The following UBE2E2 variants were observed in gnomAD, a reference collection of about 807,000 sequenced individuals.
The protein encoded by UBE2E2 is ubiquitin-conjugating enzyme E2 E2.
Under a neutral mutation model 24.7 loss-of-function variants are expected in UBE2E2, and 6 were observed. The ratio of observed to expected loss-of-function variants is 0.24; its 90% CI spans 0.13 to 0.48. The LOEUF (loss-of-function observed/expected upper bound fraction) is 0.48. Among genes scored for constraint, UBE2E2 ranks in the 20% least tolerant of loss-of-function variants. The probability of loss-of-function intolerance (pLI) is 0.99; values close to 1 mark genes in which losing one functional copy is unlikely to be tolerated. For missense variants in UBE2E2, 169 were observed against 245.0 expected (o/e 0.69, Z 2.07); for synonymous variants, 104 against 83.6 (o/e 1.24, Z -1.33).
intron 3 of UBE2E2, among the ~76,000 whole-genome samples, chr3:23,256,294 A>G (rs1697719152): frequency 1.3e-5 from 2 of 152,200 alleles, no homozygotes; most frequent in African/African-American, 2.4e-5. Flanking sequence ...TAAAATGATG[A>G]TTGTTTATTT....
At chr3:23,352,449 G>T (rs551912115) in intron 3 of UBE2E2, among the ~76,000 whole-genome samples, 2 of 152,124 alleles carry the variant, frequency 1.3e-5, no homozygotes, top group Non-Finnish European at 2.9e-5. Context: ...CCAGGAGCTG[G>T]TTTTTTGAAA....
chr3:23,499,169 A>G (rs184519388), intron 3 of UBE2E2, among the ~76,000 whole-genome samples: 3 of 152,332 alleles, frequency 2.0e-5, no homozygotes, highest in East Asian at 3.9e-4. Context: ...CAGATGGGAT[A>G]TGATATTTGA....
rs1457272118 is a variant in UBE2E2, at chr3:23,589,205, C to T, written c.509-529C>T. On this transcript the variant is annotated intron_variant, in intron 5 of 5. Coordinates refer to ENST00000396703, the MANE Select transcript of UBE2E2 (RefSeq NM_152653.4). The surrounding 1 kb of genome is among the most constrained non-coding windows in gnomAD (Gnocchi z 4.1). ...CTGAGGCAGGAGGATAACTTGAGCCCAGGAGTTTGAGACTATCCTGGACAA... is the reference window on the plus strand; with the variant it reads ...CTGAGGCAGGAGGATAACTTGAGCCTAGGAGTTTGAGACTATCCTGGACAA... Among the ~76,000 whole-genome samples, 4 of 151,766 alleles carry T rather than the reference C, an allele frequency of 2.6e-5. No individual in the cohort carries two copies. Among genetic ancestry groups the T allele is most frequent in the Non-Finnish European group, 4.4e-5 (3 of 67,950 alleles).
intron 3 of UBE2E2, among the ~76,000 whole-genome samples, chr3:23,431,466 A>G (rs1354759209): frequency 6.6e-6 from 1 of 150,682 alleles, no homozygotes; most frequent in Non-Finnish European, 1.5e-5. Context: ...GGAAAATGCT[A>G]TGAGTACAAT....
chr3:23,589,832 G>T lies in UBE2E2; in HGVS notation c.*1G>T. On this transcript the variant is annotated 3_prime_UTR_variant, in exon 6 of 6. Transcript: ENST00000396703. This position sits in a 1 kb window ranked among gnomAD's most constrained non-coding sequence, Gnocchi z 4.1. ...GTGGACCAAGCGGTACGCCACATAG[G>T]GGCCTGCTGCCTGCCGCCCCGCGGG... 6.2e-7 allele frequency: 1 copy of T among 1,614,074 alleles called. No individual in the cohort carries two copies. The highest frequency in any genetic ancestry group is 1.1e-5 in the South Asian group (1 of 91,060).
At chr3:23,425,090 A>G (rs1483542719) in intron 3 of UBE2E2, among the ~76,000 whole-genome samples, 2 of 152,178 alleles carry the variant, frequency 1.3e-5, no homozygotes, top group Non-Finnish European at 2.9e-5. Flanking sequence ...CCCACCAAAC[A>G]TATCTTGCCT....
chr3:23,448,512 G>C (rs1264647472), intron 3 of UBE2E2, among the ~76,000 whole-genome samples: 1 of 152,140 alleles, frequency 6.6e-6, no homozygotes, highest in African/African-American at 2.4e-5. Context: ...TGAGGATTCT[G>C]ATTGGAAGCT....
intron 3 of UBE2E2, among the ~76,000 whole-genome samples, chr3:23,426,364 T>C (rs2125396094): frequency 6.7e-6 from 1 of 149,164 alleles, no homozygotes; most frequent in Admixed American, 6.7e-5. Context: ...TGCAAATTAA[T>C]GTCCCACACT....
chr3:23,297,436 G>C (rs1361138122), intron 3 of UBE2E2, among the ~76,000 whole-genome samples: 1 of 152,018 alleles, frequency 6.6e-6, no homozygotes, highest in Non-Finnish European at 1.5e-5. Flanking sequence ...GGTTTTTATG[G>C]TTTTAGGTCT....
intron 3 of UBE2E2, among the ~76,000 whole-genome samples, chr3:23,465,942 T>G (rs779217853): frequency 2.0e-5 from 3 of 152,156 alleles, no homozygotes; most frequent in Non-Finnish European, 2.9e-5. Context: ...TTTATGGGCC[T>G]AGGTACACAT....
chr3:23,313,220 G>A (rs918204529), intron 3 of UBE2E2, among the ~76,000 whole-genome samples: 3 of 151,788 alleles, frequency 2.0e-5, no homozygotes, highest in African/African-American at 7.3e-5. Context: ...AGTGACCTTC[G>A]TTTCTTACAG....
At chr3:23,465,361 C>T (rs1698899493) in intron 3 of UBE2E2, among the ~76,000 whole-genome samples, 1 of 152,198 alleles carries the variant, frequency 6.6e-6, no homozygotes, top group Non-Finnish European at 1.5e-5. Context: ...TATAATATAG[C>T]TTATCCCATA....
At chr3:23,254,164 A>T (rs1697653236) in intron 3 of UBE2E2, among the ~76,000 whole-genome samples, 1 of 152,224 alleles carries the variant, frequency 6.6e-6, no homozygotes, top group African/African-American at 2.4e-5. Context: ...GGTGGTGGGA[A>T]TGAATTAAGA....
intron 5 of UBE2E2, among the ~76,000 whole-genome samples, chr3:23,554,182 A>G (rs1200780991): frequency 1.3e-5 from 2 of 152,330 alleles, no homozygotes; most frequent in South Asian, 2.1e-4. Context: ...AAAACAGTGC[A>G]GTACTGGCAC....
rs189358394 is a variant in UBE2E2, at chr3:23,384,703, T to A, written c.228-114905T>A. ...GACTACAGGCACATGCCAGCACGCC[T>A]GGCTAATTTTTGTATTTTTATTAGA... is the stretch of plus-strand genomic sequence containing the variant. On this transcript the variant is annotated intron_variant, in intron 3 of 5. Coordinates refer to ENST00000396703, the MANE Select transcript of UBE2E2 (RefSeq NM_152653.4). 7.2e-5 allele frequency among the ~76,000 whole-genome samples: 11 copies of A among 151,998 alleles called. No homozygotes were observed. In the East Asian group the frequency reaches 1.6e-3, roughly 22 times the overall value.
At chr3:23,270,939 T>C (rs1183240458) in intron 3 of UBE2E2, 6 of 456,752 alleles carry the variant, frequency 1.3e-5, no homozygotes, top group South Asian at 9.3e-5. Flanking sequence ...TTATACTCCA[T>C]TTGTTAACAG....
At chr3:23,465,625 C>G (rs1698904768) in intron 3 of UBE2E2, among the ~76,000 whole-genome samples, 1 of 152,146 alleles carries the variant, frequency 6.6e-6, no homozygotes. Flanking sequence ...CAGCTGCTAA[C>G]TTCTACCTTC....
At chr3:23,266,468 C>T (rs1438632452) in intron 3 of UBE2E2, among the ~76,000 whole-genome samples, 11 of 152,010 alleles carry the variant, frequency 7.2e-5, no homozygotes, top group African/African-American at 1.2e-4. Flanking sequence ...TGAATATTGG[C>T]CCCCCCTCTC....
In UBE2E2 at chr3:23,533,725, C is replaced by T. The variant is rs190045090; in HGVS notation, c.508+1024C>T. Among the ~76,000 whole-genome samples, 232 of 144,560 alleles carry T rather than the reference C, an allele frequency of 1.6e-3. 1 individual carries two copies. Among genetic ancestry groups the T allele is most frequent in the African/African-American group, 5.8e-3 (220 of 38,248 alleles). The allele number at this position is 144,560 out of a possible 152,430, so 94.8% of individuals were successfully genotyped here. ...GCAACCTCCGCCTCCTGGATTCAAG[C>T]GATTCTCCTATCTTAGCCCCCCAAG... On this transcript the variant is annotated intron_variant, in intron 5 of 5. Coordinates refer to ENST00000396703, the MANE Select transcript of UBE2E2 (RefSeq NM_152653.4).
Sources: allele counts gnomAD v4.1 joint callset (sites outside exome capture counted in the v4.1 genomes callset), GRCh38; gene constraint gnomAD v4.1.1; non-coding constraint Gnocchi (gnomAD v3.1); transcripts MANE v1.5; gene names NCBI Gene and HGNC (gene_info 2026-07-23, HGNC 2026-07-21).